IMPG2: variants seen among roughly 807,000 people sequenced by gnomAD.
IMPG2 encodes interphotoreceptor matrix proteoglycan 2.
Under a neutral mutation model 129.2 loss-of-function variants are expected in IMPG2, and 91 were observed. The ratio of observed to expected loss-of-function variants is 0.70; its 90% CI spans 0.59 to 0.84. The LOEUF is 0.84. Ranked by LOEUF, IMPG2 falls within the 40% of genes least tolerant of loss-of-function variation. IMPG2 has a pLI of 0.00. For missense variants in IMPG2, 1,430 were observed against 1,461.7 expected, an observed-to-expected ratio of 0.98 and a Z score of 0.35; for synonymous variants, 510 against 517.7, an observed-to-expected ratio of 0.99 and a Z score of 0.20.
Position 101,229,577 on chromosome 3 carries a change from G to T in IMPG2, c.3436C>A (p.Gln1146Lys), listed in dbSNP as rs755065132. The change falls in exon 17 of 19, where the codon CAG becomes AAG. Residue 1146 changes from glutamine (Q) to lysine (K), a missense_variant. Coordinates refer to ENST00000193391, the MANE Select transcript of IMPG2 (RefSeq NM_016247.4). ...TCAATAGATGAGAGGCTGTCAGGCT[G>T]CCTGCTGGAGCCACTAAAAGAAAGA... ...RESPFSGSSR[Q>K]PDSLSSIENA... 2 of 1,613,790 alleles carry T rather than the reference G, an allele frequency of 1.2e-6. No individual in the cohort carries two copies. Among genetic ancestry groups the T allele is most frequent in the South Asian group, 2.2e-5 (2 of 91,074 alleles).
At chr3:101,252,156 A>G (rs1413481663) in intron 11 of IMPG2, among the ~76,000 whole-genome samples, 1 of 152,190 alleles carries the variant, frequency 6.6e-6, no homozygotes, top group Non-Finnish European at 1.5e-5. Context: ...TTCTGCCACA[A>G]GGGAATATGA....
In IMPG2 at chr3:101,319,671, T is replaced by A; in HGVS notation, c.247A>T (p.Ile83Phe). Reference protein sequence around the residue: ...RQWLIRRRRSILFPNGVKICP... With the variant: ...RQWLIRRRRSFLFPNGVKICP... Reference sequence around the variant, plus strand: ...ATTTTCACTCCATTAGGAAACAGAATAGATCTCCGCCTTCTGATTAACCAC... The same window carrying A: ...ATTTTCACTCCATTAGGAAACAGAAAAGATCTCCGCCTTCTGATTAACCAC... Residue 83 changes from isoleucine to phenylalanine, a missense_variant, in exon 2 of 19, where the codon ATT becomes TTT. Physicochemically the swap from Ile to Phe is conservative, Grantham distance 21. Coordinates refer to ENST00000193391, the MANE Select transcript of IMPG2 (RefSeq NM_016247.4). 6.2e-7 allele frequency: 1 copy of A among 1,613,774 alleles called. No homozygotes were observed. The highest frequency in any genetic ancestry group is 1.3e-5 in the African/African-American group (1 of 75,036).
chr3:101,318,631 C>T (rs533732260), intron 2 of IMPG2, among the ~76,000 whole-genome samples: 250 of 152,160 alleles, frequency 1.6e-3, no homozygotes, highest in African/African-American at 5.7e-3. Context: ...CTGGAAAATT[C>T]GGGCTCAATA....
chr3:101,247,990 A>C (rs191540005), intron 11 of IMPG2, among the ~76,000 whole-genome samples: 1 of 152,326 alleles, frequency 6.6e-6, no homozygotes, highest in East Asian at 1.9e-4. Context: ...TTAAATTTGC[A>C]CTGACAGTCT....
intron 18 of IMPG2, among the ~76,000 whole-genome samples, chr3:101,228,479 C>G (rs1006339691): frequency 6.6e-6 from 1 of 152,202 alleles, no homozygotes; most frequent in South Asian, 2.1e-4. Flanking sequence ...CCAGGCGTCT[C>G]TAGTCCAAAA....
At chr3:101,280,602 T>C (rs1205062512) in intron 4 of IMPG2, among the ~76,000 whole-genome samples, 1 of 152,140 alleles carries the variant, frequency 6.6e-6, no homozygotes. Context: ...CAGGGGTTAA[T>C]GGGACAGTGA....
intron 14 of IMPG2, among the ~76,000 whole-genome samples, chr3:101,237,373 G>T (rs1706358343): frequency 6.6e-6 from 1 of 152,224 alleles, no homozygotes; most frequent in African/African-American, 2.4e-5. Flanking sequence ...TCTGCTAAGG[G>T]ACGATTGCCT....
At chr3:101,276,821 G>A in intron 4 of IMPG2, 108 bp from the exon 5 acceptor site, 1 of 760,970 alleles carries the variant, frequency 1.3e-6, no homozygotes. Context: ...CACCAAGTAA[G>A]GGCTCCCAAG....
chr3:101,275,734 T>C lies in IMPG2; in HGVS notation c.595A>G (p.Ser199Gly), dbSNP rs147670488. ...GCGTCCACCTCTGGATGTGGAACAC[T>C]GAGAGTAGTGTCTAAGAAGAAAAGC... Reference protein sequence around the residue: ...DTSTLGDTTLSVPHPEVDAYE... With the variant: ...DTSTLGDTTLGVPHPEVDAYE... Residue 199 changes from serine (S) to glycine (G), a missense_variant, in exon 6 of 19, where the codon AGT becomes GGT. Ser to Gly is a moderately conservative substitution (Grantham distance 56, BLOSUM62 0). Coordinates refer to ENST00000193391, the MANE Select transcript of IMPG2 (RefSeq NM_016247.4). The C allele has an allele frequency of 7.0e-5, 113 of 1,613,578 alleles. No homozygotes were observed. In the African/African-American group the frequency reaches 1.4e-3, roughly 20 times the overall value.
chr3:101,283,053 T>C (rs1282297578), intron 4 of IMPG2, among the ~76,000 whole-genome samples: 2 of 152,202 alleles, frequency 1.3e-5, no homozygotes, highest in Non-Finnish European at 2.9e-5. Context: ...GGAGTCTCAC[T>C]CTGTTGTTGC....
intron 4 of IMPG2, among the ~76,000 whole-genome samples, chr3:101,281,838 G>A (rs748945870): frequency 6.6e-6 from 1 of 152,112 alleles, no homozygotes; most frequent in Non-Finnish European, 1.5e-5. Flanking sequence ...AGATGGAAGT[G>A]GGCCATGAGC....
chr3:101,237,084 G>A (rs1249315089), intron 14 of IMPG2, among the ~76,000 whole-genome samples: 1 of 152,182 alleles, frequency 6.6e-6, no homozygotes, highest in African/African-American at 2.4e-5. Context: ...CCCTCACAGT[G>A]TAAATAAAGC....
Position 101,245,883 on chromosome 3 carries a change from A to G in IMPG2, c.1462T>C (p.Ser488Pro), listed in dbSNP as rs776805645. 3 of 1,614,178 alleles carry G rather than the reference A, an allele frequency of 1.9e-6. No homozygotes were observed. The highest frequency in any genetic ancestry group is 2.5e-6 in the Non-Finnish European group (3 of 1,180,012). Residue 488 changes from serine (S) to proline (P), a missense_variant, in exon 12 of 19, where the codon TCT becomes CCT. Ser to Pro is a moderately conservative substitution (Grantham distance 74). Transcript: ENST00000193391. ...GTCTGAAGCACTGCCGGGGTGACAG[A>G]ATGAAGAGTCAAGCTGCTAACCTCT... is the stretch of plus-strand genomic sequence containing the variant. ...VLEVSSLTLH[S>P]VTPAVLQTGL...
chr3:101,261,334 A>C (rs563656816), intron 9 of IMPG2, among the ~76,000 whole-genome samples: 69 of 152,292 alleles, frequency 4.5e-4, no homozygotes, highest in Non-Finnish European at 8.4e-4. Context: ...GTTGGTTCTT[A>C]GGCTATGCAG....
At chr3:101,271,674 T>C (rs1706784197) in intron 7 of IMPG2, among the ~76,000 whole-genome samples, 1 of 152,196 alleles carries the variant, frequency 6.6e-6, no homozygotes, top group Non-Finnish European at 1.5e-5. Context: ...TTGAATTACA[T>C]TGCCCCTGCC....
intron 5 of IMPG2, among the ~76,000 whole-genome samples, 165 bp from the exon 6 acceptor site, chr3:101,275,910 C>G (rs1432521552): frequency 6.6e-6 from 1 of 152,164 alleles, no homozygotes; most frequent in Non-Finnish European, 1.5e-5. Flanking sequence ...TGTATGGAGC[C>G]TTCTCAGAAC....
chr3:101,235,677 T>C (rs913885462), intron 14 of IMPG2, among the ~76,000 whole-genome samples: 1 of 152,180 alleles, frequency 6.6e-6, no homozygotes, highest in African/African-American at 2.4e-5. Flanking sequence ...GGTGCCCAGG[T>C]AGCTAACTGT....
chr3:101,257,412 C>CT, intron 10 of IMPG2, 117 bp downstream of exon 10: 2 of 1,254,794 alleles, frequency 1.6e-6, no homozygotes, highest in Non-Finnish European at 2.3e-6. Flanking sequence ...AGGTTGGCTC[C>CT]TGTCTCATAA....
chr3:101,294,215 T>C (rs1322610886), intron 3 of IMPG2, among the ~76,000 whole-genome samples: 1 of 152,144 alleles, frequency 6.6e-6, no homozygotes, highest in Non-Finnish European at 1.5e-5. Context: ...ATGCATTAGC[T>C]GTTTGTCCTA....
Sources: gnomAD v4.1 joint callset for allele counts (sites outside exome capture counted in the v4.1 genomes callset) on GRCh38, gnomAD v4.1.1 for gene constraint, MANE v1.5 for transcripts, NCBI Gene and HGNC (gene_info 2026-07-23, HGNC 2026-07-21) for gene names.